The following SV2C variants were observed in gnomAD, a reference collection of about 807,000 sequenced individuals.
SV2C encodes synaptic vesicle glycoprotein 2C, also known as solute carrier family 22 member B3.
SV2C carries 49 observed loss-of-function variants against 79.7 expected under a neutral mutation model. That is an observed-to-expected ratio of 0.61 (90% CI 0.49 to 0.78). The LOEUF (loss-of-function observed/expected upper bound fraction) is 0.78. Ranked by LOEUF, SV2C falls within the 30% of genes least tolerant of loss-of-function variation. SV2C has a pLI of 0.00. For missense variants in SV2C, 833 were observed against 912.9 expected (o/e 0.91, Z 1.13); for synonymous variants, 334 against 333.2 (o/e 1.00, Z -0.03).
chr5:76,111,175 G>A (rs1021922131), intron 1 of SV2C, among the ~76,000 whole-genome samples: 1 of 152,082 alleles, frequency 6.6e-6, no homozygotes, highest in Non-Finnish European at 1.5e-5. Flanking sequence ...ACCTTTTTTG[G>A]GGGAGGAGAA....
chr5:75,851,781 C>T, the SV2C span, among the ~76,000 whole-genome samples: 1 of 152,218 alleles, frequency 6.6e-6, no homozygotes, highest in African/African-American at 2.4e-5. Context: ...TCCCCAGCAG[C>T]TGGGACTACA....
the SV2C span, among the ~76,000 whole-genome samples, chr5:76,019,864 G>A: frequency 2.0e-5 from 3 of 152,148 alleles, no homozygotes; most frequent in South Asian, 2.1e-4. Context: ...ATAATGAATT[G>A]GATGCTTTTG....
chr5:76,172,101 C>G (rs1229777103), intron 2 of SV2C, among the ~76,000 whole-genome samples: 5 of 38,782 alleles, frequency 1.3e-4, no homozygotes, highest in African/African-American at 1.7e-4. Flanking sequence ...CCGCCCTGTC[C>G]GGGAGGGAGG....
chr5:75,997,918 A>G, the SV2C span, among the ~76,000 whole-genome samples: 1 of 152,136 alleles, frequency 6.6e-6, no homozygotes, highest in Non-Finnish European at 1.5e-5. Flanking sequence ...ACTATTCACA[A>G]TAGCAAAGAC....
the SV2C span, among the ~76,000 whole-genome samples, chr5:75,853,326 G>T: frequency 6.6e-6 from 1 of 152,068 alleles, no homozygotes; most frequent in Non-Finnish European, 1.5e-5. Flanking sequence ...GGAGGCGGAG[G>T]CGGGCGGATC....
chr5:76,059,260 T>G, the SV2C span, among the ~76,000 whole-genome samples: 1 of 152,102 alleles, frequency 6.6e-6, no homozygotes, highest in South Asian at 2.1e-4. Context: ...AAAATAAAAA[T>G]AAAGTTTGCT....
chr5:76,131,871 T>A lies in SV2C; in HGVS notation c.121T>A (p.Tyr41Asn). The change falls in exon 2 of 13, where the codon TAC becomes AAC. Residue 41 changes from tyrosine (Y) to asparagine (N), a missense_variant. Coordinates refer to ENST00000502798, the MANE Select transcript of SV2C (RefSeq NM_014979.4). The stretch of plus-strand genomic sequence containing the variant: ...AGCTGTGGACCGAGCCCAGGATGAA[T>A]ACACCCAGAGGTCCTACAGTCGGTT... ...NQAVDRAQDE[Y>N]TQRSYSRFQD... The A allele has an allele frequency of 6.2e-7, 1 of 1,614,004 alleles. No homozygotes were observed. Among genetic ancestry groups the A allele is most frequent in the Non-Finnish European group, 8.5e-7 (1 of 1,179,994 alleles).
At chr5:76,309,076 T>C (rs1748314370) in intron 12 of SV2C, among the ~76,000 whole-genome samples, 1 of 152,032 alleles carries the variant, frequency 6.6e-6, no homozygotes, top group Admixed American at 6.6e-5. Flanking sequence ...TGATAACCAG[T>C]CAAAAAGATG....
the SV2C span, among the ~76,000 whole-genome samples, chr5:75,988,386 TACTA>T: frequency 6.6e-6 from 1 of 151,962 alleles, no homozygotes; most frequent in Non-Finnish European, 1.5e-5. Context: ...CACTTTTAAA[TACTA>T]AATAAATAAG....
chr5:76,325,725 G>C lies in SV2C; in HGVS notation c.*178G>C. On this transcript the variant is annotated 3_prime_UTR_variant, in exon 13 of 13. Transcript: ENST00000502798. ...TCTTGCCCCTTTGTGATTTTGCACA[G>C]GTTGTTTGTTTGTTTTGTTTTGTTT... The C allele has an allele frequency of 1.1e-6, 1 of 872,258 alleles. No homozygotes were observed. The highest frequency in any genetic ancestry group is 2.2e-5 in the South Asian group (1 of 45,608). 54.0% of individuals were successfully genotyped at this position (872,258 alleles called of 1,614,324 possible). A position where few individuals can be genotyped will look rare whatever the true frequency, so the allele number is the denominator to read the frequency against.
the SV2C span, among the ~76,000 whole-genome samples, chr5:75,939,523 GA>G: frequency 6.6e-6 from 1 of 152,026 alleles, no homozygotes; most frequent in Non-Finnish European, 1.5e-5. Flanking sequence ...TTCAAAATAT[GA>G]ATTTTTTTGC....
At chr5:75,946,088 A>G in the SV2C span, among the ~76,000 whole-genome samples, 1 of 152,086 alleles carries the variant, frequency 6.6e-6, no homozygotes, top group Admixed American at 6.6e-5. Flanking sequence ...ATTACAAACA[A>G]TAAAATCAAT....
the SV2C span, among the ~76,000 whole-genome samples, chr5:76,033,087 T>C: frequency 6.6e-6 from 1 of 152,126 alleles, no homozygotes; most frequent in African/African-American, 2.4e-5. Context: ...CACTTTTTGA[T>C]GGGGTTGTTT....
Position 76,291,202 on chromosome 5 carries a change from G to C in SV2C, c.1138-19G>C. The C allele has an allele frequency of 1.2e-5, 19 of 1,578,956 alleles. No individual in the cohort carries two copies. Among genetic ancestry groups the C allele is most frequent in the Non-Finnish European group, 1.6e-5 (18 of 1,153,882 alleles). On this transcript the variant is annotated intron_variant, in intron 6 of 12. Transcript: ENST00000502798. ...TTCAGAGAAGGTAACTTAGCGCTTT[G>C]GTCTGTTTCTCTCTACAGGTAAACA... is the stretch of plus-strand genomic sequence containing the variant.
At chr5:76,120,682 A>C (rs1342580205) in intron 1 of SV2C, among the ~76,000 whole-genome samples, 2 of 149,992 alleles carry the variant, frequency 1.3e-5, no homozygotes, top group Middle Eastern at 3.2e-3. Flanking sequence ...CCATGTCCCT[A>C]CAAAGGACAT....
At chr5:76,197,707 C>CAGATAGATAGATAGAT (rs4026946) in intron 3 of SV2C, among the ~76,000 whole-genome samples, 17,787 of 145,438 alleles carry the variant, frequency 0.12, 1,316 homozygotes, top group East Asian at 0.2. Context: ...GATAGACAGG[C>CAGATAGATAGATAGAT]AGATAGATAG....
intron 4 of SV2C, among the ~76,000 whole-genome samples, chr5:76,274,577 G>C (rs1746965575): frequency 6.6e-6 from 1 of 151,732 alleles, no homozygotes; most frequent in Admixed American, 6.6e-5. Context: ...TTTCCCAATA[G>C]TTATATGATA....
intron 1 of SV2C, among the ~76,000 whole-genome samples, chr5:76,108,367 A>G (rs1044084945): frequency 1.3e-5 from 2 of 152,226 alleles, no homozygotes; most frequent in East Asian, 3.8e-4. Context: ...TAGGGATAAA[A>G]GAGGACACAA....
chr5:75,987,194 G>A, the SV2C span, among the ~76,000 whole-genome samples: 688 of 151,988 alleles, frequency 4.5e-3, 4 homozygotes, highest in African/African-American at 0.016. Context: ...TCCTGCCAGC[G>A]TCCATGAACC....
Sources: allele counts gnomAD v4.1 joint callset (sites outside exome capture counted in the v4.1 genomes callset), GRCh38; gene constraint gnomAD v4.1.1; transcripts MANE v1.5; gene names NCBI Gene and HGNC (gene_info 2026-07-23, HGNC 2026-07-21).